ARHGEF7: variants seen among roughly 807,000 people sequenced by gnomAD.
ARHGEF7 encodes the protein Rho guanine nucleotide exchange factor 7.
A neutral mutation model predicts 109.8 loss-of-function variants in ARHGEF7; 33 were observed. The observed-to-expected ratio is 0.30, with a 90% CI of 0.23 to 0.40. The LOEUF is 0.40. ARHGEF7 is among the 10% of genes least tolerant of loss of function. The pLI is 1.00. For synonymous variants in ARHGEF7, 458 were observed against 424.6 expected (o/e 1.08, Z -0.97); for missense variants, 938 against 1,098.5 (o/e 0.85, Z 2.07).
rs1284501429 is a variant in ARHGEF7, at chr13:111,131,003, A to G, written c.165+15312A>G. ...GGAGAGACAGGCAGAGCCAGGCAGC[A>G]CAGGGCTGGTGGGCCCTTAGTTTGC... is the stretch of plus-strand genomic sequence containing the variant. On this transcript the variant is annotated intron_variant, in intron 1 of 21. Transcript: ENST00000646102. This position sits in a 1 kb window ranked among gnomAD's most constrained non-coding sequence, Gnocchi z 4.4. Among the ~76,000 whole-genome samples the G allele has an allele frequency of 6.6e-6, 1 of 152,250 alleles. No individual in the cohort carries two copies. The highest frequency in any genetic ancestry group is 1.5e-5 in the Non-Finnish European group (1 of 68,052).
intron 11 of ARHGEF7, 77 bp downstream of exon 11, chr13:111,274,867 A>G (rs1304159025): frequency 1.9e-6 from 2 of 1,040,904 alleles, no homozygotes; most frequent in Admixed American, 5.9e-5. Flanking sequence ...TCAACTGAAA[A>G]AGTCAAATGA....
chr13:111,142,299 G>A (rs981025599), intron 1 of ARHGEF7, among the ~76,000 whole-genome samples: 3 of 152,198 alleles, frequency 2.0e-5, no homozygotes, highest in Admixed American at 2.0e-4. Context: ...GGCTTTTCCT[G>A]AGTGAAATGG....
chr13:111,179,242 C>T (rs150252611), intron 2 of ARHGEF7, among the ~76,000 whole-genome samples: 9 of 152,264 alleles, frequency 5.9e-5, no homozygotes, highest in African/African-American at 2.2e-4. Context: ...TCACTCCCAG[C>T]TACTTTTTTT....
At chr13:111,178,035 C>T (rs573360943) in intron 2 of ARHGEF7, among the ~76,000 whole-genome samples, 1 of 152,352 alleles carries the variant, frequency 6.6e-6, no homozygotes, top group African/African-American at 2.4e-5. Context: ...CCTCCTTCCT[C>T]TCTCCTAAAC....
chr13:111,241,536 A>G (rs758088853), intron 6 of ARHGEF7, among the ~76,000 whole-genome samples: 11 of 152,240 alleles, frequency 7.2e-5, no homozygotes, highest in South Asian at 2.1e-4. Flanking sequence ...GTTTAAGACT[A>G]TTTGTTGAAT....
chr13:111,166,602 A>G (rs1257690662), intron 2 of ARHGEF7, among the ~76,000 whole-genome samples: 3 of 152,136 alleles, frequency 2.0e-5, no homozygotes, highest in Non-Finnish European at 4.4e-5. Flanking sequence ...TAGAGATGAG[A>G]TGATTTACAG....
At chr13:111,238,964 A>G (rs1348221096) in intron 6 of ARHGEF7, among the ~76,000 whole-genome samples, 1 of 152,180 alleles carries the variant, frequency 6.6e-6, no homozygotes, top group Non-Finnish European at 1.5e-5. Context: ...ATGGCTGGGG[A>G]GGCTTCAGGA....
At chr13:111,288,521 TGTG>T in intron 18 of ARHGEF7, 78 bp downstream of exon 18, 9 of 1,186,164 alleles carry the variant, frequency 7.6e-6, no homozygotes, top group Non-Finnish European at 1.1e-5. Flanking sequence ...AGGAACCTGT[TGTG>T]GTAGGCCCCT....
In ARHGEF7 at chr13:111,204,994, A is replaced by AC. The variant is rs386380740; in HGVS notation, c.253-288dup. 7.5e-5 allele frequency among the ~76,000 whole-genome samples: 11 copies of AC among 146,498 alleles called. No individual in the cohort carries two copies. The South Asian group carries it at 1.1e-3, about 15-fold the overall frequency. On this transcript the variant is annotated intron_variant, in intron 2 of 21. Coordinates refer to ENST00000646102, the MANE Select transcript of ARHGEF7 (RefSeq NM_001354046.2). ...CTTGCTTGCTGAATGCCAGCAGCCC[A>AC]CCCCCCCACCCCGCCCCGCCCCCGT... is the stretch of plus-strand genomic sequence containing the variant.
chr13:111,255,314 G>A lies in ARHGEF7; in HGVS notation c.950+11020G>A, dbSNP rs954772029. ...ACTGGGAGCTGCAGACTTCCCACCC[G>A]GCCTACTGCATGTGTGGGAAGAGGT... On this transcript the variant is annotated intron_variant, in intron 8 of 21. Coordinates refer to ENST00000646102, the MANE Select transcript of ARHGEF7 (RefSeq NM_001354046.2). This position sits in a 1 kb window ranked among gnomAD's most constrained non-coding sequence, Gnocchi z 4.1. Among the ~76,000 whole-genome samples the A allele has an allele frequency of 2.0e-5, 3 of 152,206 alleles. No homozygotes were observed. The highest frequency in any genetic ancestry group is 4.4e-5 in the Non-Finnish European group (3 of 68,034).
At chr13:111,217,420 C>G (rs893702707) in intron 4 of ARHGEF7, among the ~76,000 whole-genome samples, 6 of 152,194 alleles carry the variant, frequency 3.9e-5, no homozygotes, top group Admixed American at 3.3e-4. Flanking sequence ...GACTCTGTCT[C>G]TGTCACATGG....
At chr13:111,267,743 T>C in intron 9 of ARHGEF7, 73 bp downstream of exon 9, 8 of 1,562,052 alleles carry the variant, frequency 5.1e-6, no homozygotes, top group Non-Finnish European at 7.0e-6. Context: ...CATGAAATAG[T>C]ATGATGCTAA....
At chr13:111,198,054 G>A (rs1008446339) in intron 2 of ARHGEF7, among the ~76,000 whole-genome samples, 1 of 152,102 alleles carries the variant, frequency 6.6e-6, no homozygotes, top group Non-Finnish European at 1.5e-5. Flanking sequence ...TTTCCTCTCT[G>A]TTGACCGTTG....
At chr13:111,274,964 T>C (rs1595433865) in intron 11 of ARHGEF7, among the ~76,000 whole-genome samples, 174 bp downstream of exon 11, 1 of 152,256 alleles carries the variant, frequency 6.6e-6, no homozygotes, top group East Asian at 1.9e-4. Flanking sequence ...TATGATAGAA[T>C]AATTATTTAA....
chr13:111,261,365 CAAAG>C lies in ARHGEF7; in HGVS notation c.951-6178_951-6175del, dbSNP rs1458034972. ...TAGATTTCAAGACAAAAGCTAGAGA[CAAAG>C]AAAGTCATTATATAATGATAAAGGG... On this transcript the variant is annotated intron_variant, in intron 8 of 21. Transcript: ENST00000646102. 3.3e-5 allele frequency among the ~76,000 whole-genome samples: 5 copies of C among 151,950 alleles called. No homozygotes were observed. In the East Asian group the frequency reaches 5.8e-4, roughly 18 times the overall value.
chr13:111,277,753 T>TA, intron 13 of ARHGEF7, 80 bp downstream of exon 13: 10 of 951,012 alleles, frequency 1.1e-5, no homozygotes, highest in Non-Finnish European at 1.7e-5. Flanking sequence ...TGTTAAATAT[T>TA]ACGTGTATCT....
chr13:111,126,792 C>T (rs1200370322), intron 1 of ARHGEF7, among the ~76,000 whole-genome samples: 1 of 152,130 alleles, frequency 6.6e-6, no homozygotes, highest in Non-Finnish European at 1.5e-5. Flanking sequence ...ATGAATTCCT[C>T]AAATGAAATT....
At chr13:111,279,681 A>G (rs572298613) in intron 13 of ARHGEF7, among the ~76,000 whole-genome samples, 30 of 152,218 alleles carry the variant, frequency 2.0e-4, no homozygotes, top group African/African-American at 6.5e-4. Context: ...GTATCTTTCC[A>G]TTGACATTTC....
At position 111,141,517 on chromosome 13, in the gene ARHGEF7, T is replaced by C. The variant is rs114279133; in HGVS notation, c.166-12388T>C. On this transcript the variant is annotated intron_variant, in intron 1 of 21. Coordinates refer to ENST00000646102, the MANE Select transcript of ARHGEF7 (RefSeq NM_001354046.2). ...AGGAACCTCTACGTATTCAGCTGCC[T>C]GGAAGCTCCAAAAGTTTTATCTTTT... is the stretch of plus-strand genomic sequence containing the variant. Among the ~76,000 whole-genome samples the C allele has an allele frequency of 6.4e-3, 971 of 152,354 alleles. 10 individuals carry two copies. The highest frequency in any genetic ancestry group is 0.022 in the African/African-American group (909 of 41,568).
Sources: allele counts gnomAD v4.1 joint callset (sites outside exome capture counted in the v4.1 genomes callset), GRCh38; gene constraint gnomAD v4.1.1; non-coding constraint Gnocchi (gnomAD v3.1); transcripts MANE v1.5; gene names NCBI Gene and HGNC (gene_info 2026-07-23, HGNC 2026-07-21).